HIP1: variants seen among roughly 807,000 people sequenced by gnomAD.
The protein encoded by HIP1 is huntingtin interacting protein 1, also known as huntingtin-interacting protein 1.
A neutral mutation model predicts 147.6 loss-of-function variants in HIP1; 65 were observed. The ratio of observed to expected loss-of-function variants is 0.44; its 90% CI spans 0.36 to 0.54. The LOEUF (loss-of-function observed/expected upper bound fraction) is 0.54, where lower values mean the gene tolerates loss of function less well. HIP1 is among the 20% of genes least tolerant of loss of function. The probability of loss-of-function intolerance (pLI) is 0.00; values close to 1 mark genes in which losing one functional copy is unlikely to be tolerated. For synonymous variants in HIP1, 479 were observed against 504.0 expected (o/e 0.95, Z 0.67); for missense variants, 1,061 against 1,299.6 (o/e 0.82, Z 2.82).
At chr7:75,608,136 C>T (rs1554504178) in intron 1 of HIP1, among the ~76,000 whole-genome samples, 1 of 152,084 alleles carries the variant, frequency 6.6e-6, no homozygotes, top group Non-Finnish European at 1.5e-5. Flanking sequence ...GAAACCTCGT[C>T]TCTACTAAAA....
At chr7:75,664,596 G>GGAGA (rs145351179) in intron 1 of HIP1, among the ~76,000 whole-genome samples, 18 of 115,212 alleles carry the variant, frequency 1.6e-4, no homozygotes, top group African/African-American at 4.3e-4. Context: ...ATATGTATAG[G>GGAGA]GAGAGAGAGA....
intron 1 of HIP1, among the ~76,000 whole-genome samples, chr7:75,604,909 C>T (rs1476575168): frequency 6.6e-6 from 1 of 152,072 alleles, no homozygotes; most frequent in African/African-American, 2.4e-5. Flanking sequence ...TCCCATAAGC[C>T]ACGTAAAATA....
chr7:75,547,103 C>T, intron 24 of HIP1, 71 bp from the exon 25 acceptor site: 1 of 1,291,980 alleles, frequency 7.7e-7, no homozygotes, highest in Non-Finnish European at 1.1e-6. Context: ...GGTTCTCTTC[C>T]CCACTCCTAG....
rs117750247 is a variant in HIP1, at chr7:75,542,425, G to A, written c.2890+426C>T. 5.0e-3 allele frequency among the ~76,000 whole-genome samples: 761 copies of A among 151,138 alleles called. 12 individuals carry two copies. The East Asian group carries it at 0.062, about 12-fold the overall frequency. On this transcript the variant is annotated intron_variant, in intron 28 of 30. Transcript: ENST00000336926. ...AAAAGAAAAAAAAATGGCAGGGCGC[G>A]GTGGCTCACACCTATAATCCCAGCA...
At chr7:75,709,191 C>A (rs1801092395) in intron 1 of HIP1, among the ~76,000 whole-genome samples, 1 of 149,600 alleles carries the variant, frequency 6.7e-6, no homozygotes, top group Non-Finnish European at 1.5e-5. Context: ...TGGCTCACTG[C>A]AACCACCACC....
chr7:75,600,782 A>G (rs1796945055), intron 1 of HIP1, among the ~76,000 whole-genome samples: 1 of 152,124 alleles, frequency 6.6e-6, no homozygotes, highest in African/African-American at 2.4e-5. Flanking sequence ...TCGTCCTGAG[A>G]CAGGGTCTTT....
chr7:75,703,734 T>C (rs1159453326), intron 1 of HIP1, among the ~76,000 whole-genome samples: 1 of 152,178 alleles, frequency 6.6e-6, no homozygotes, highest in Non-Finnish European at 1.5e-5. Flanking sequence ...TGGAGAGGTC[T>C]TTAAAAATAA....
intron 1 of HIP1, among the ~76,000 whole-genome samples, chr7:75,601,003 C>T (rs932551126): frequency 3.9e-5 from 6 of 152,074 alleles, no homozygotes; most frequent in Non-Finnish European, 5.9e-5. Flanking sequence ...AGTGATCCTC[C>T]CACCTCAGCC....
intron 1 of HIP1, among the ~76,000 whole-genome samples, chr7:75,738,178 T>C (rs1554523907): frequency 1.3e-5 from 2 of 152,112 alleles, no homozygotes. Context: ...CCCAAAGTAA[T>C]TTTCCCACAA....
chr7:75,574,796 T>A (rs1220899315), intron 7 of HIP1, among the ~76,000 whole-genome samples: 7 of 152,138 alleles, frequency 4.6e-5, no homozygotes, highest in African/African-American at 1.7e-4. Context: ...GATTTGCTCA[T>A]AACCTGGGAG....
intron 1 of HIP1, among the ~76,000 whole-genome samples, chr7:75,602,802 A>C (rs1554503244): frequency 6.1e-4 from 83 of 135,462 alleles, no homozygotes; most frequent in Non-Finnish European, 8.0e-4. Flanking sequence ...ATCACGCCCA[A>C]CCCCCCCCAC....
At position 75,604,628 on chromosome 7, in the gene HIP1, C is replaced by T. The variant is rs141865149; in HGVS notation, c.121-5381G>A. Among the ~76,000 whole-genome samples, 17 of 148,714 alleles carry T rather than the reference C, an allele frequency of 1.1e-4. No homozygotes were observed. The East Asian group carries it at 3.5e-3, about 30-fold the overall frequency. ...AGGCTGCAGTGAGCTGAGATTGCATCACTATGCTCGTCTGAATGACAGAGC... is the reference window on the plus strand; with the variant it reads ...AGGCTGCAGTGAGCTGAGATTGCATTACTATGCTCGTCTGAATGACAGAGC... On this transcript the variant is annotated intron_variant, in intron 1 of 30. Coordinates refer to ENST00000336926, the MANE Select transcript of HIP1 (RefSeq NM_005338.7).
At chr7:75,604,925 C>A (rs1265009326) in intron 1 of HIP1, among the ~76,000 whole-genome samples, 1 of 152,058 alleles carries the variant, frequency 6.6e-6, no homozygotes, top group African/African-American at 2.4e-5. Context: ...AAATAATATA[C>A]CGTGAGTTTG....
At chr7:75,635,820 C>T (rs138648563) in intron 1 of HIP1, among the ~76,000 whole-genome samples, 180 of 149,698 alleles carry the variant, frequency 1.2e-3, no homozygotes, top group African/African-American at 4.2e-3. Context: ...CCCAGGAGTT[C>T]GACACCAGCC....
intron 1 of HIP1, among the ~76,000 whole-genome samples, chr7:75,657,478 C>T (rs1448622642): frequency 1.4e-5 from 2 of 145,878 alleles, no homozygotes; most frequent in African/African-American, 5.1e-5. Context: ...TGCAGTGAGC[C>T]GAGATCCCGC....
At chr7:75,558,967 C>T (rs1795122262) in intron 14 of HIP1, among the ~76,000 whole-genome samples, 1 of 152,018 alleles carries the variant, frequency 6.6e-6, no homozygotes. Context: ...TGCAGTGAGC[C>T]CAGATCACAC....
At chr7:75,655,825 A>G (rs1219620222) in intron 1 of HIP1, among the ~76,000 whole-genome samples, 4 of 151,916 alleles carry the variant, frequency 2.6e-5, no homozygotes, top group Non-Finnish European at 5.9e-5. Flanking sequence ...TGTATACTTA[A>G]AAAATGGTTA....
In HIP1 at chr7:75,592,043, T is replaced by A. The variant is rs1563227323; in HGVS notation, c.384+13A>T. 1 of 1,611,570 alleles carries A rather than the reference T, an allele frequency of 6.2e-7. No homozygotes were observed. The highest frequency in any genetic ancestry group is 8.5e-7 in the Non-Finnish European group (1 of 1,177,688). On this transcript the variant is annotated intron_variant, in intron 4 of 30. Transcript: ENST00000336926. ...GAGAAGCAGGTGGCTCCTGAGTACA[T>A]CTCCAAACTCACCCACATCCTGCTC... is the stretch of plus-strand genomic sequence containing the variant.
rs1447046052 is a variant in HIP1 at position 75,640,752 on chromosome 7, C to CAAAAAT, written c.121-41506_121-41505insATTTTT. 3.4e-3 allele frequency among the ~76,000 whole-genome samples: 290 copies of CAAAAAT among 85,020 alleles called. 3 individuals carry two copies. The highest frequency in any genetic ancestry group is 0.012 in the Middle Eastern group (2 of 162). 55.8% of individuals were successfully genotyped at this position (85,020 alleles called of 152,430 possible). A position where few individuals can be genotyped will look rare whatever the true frequency, so the allele number is the denominator to read the frequency against. ...TGGATGACAGAAGGAGACTCCATCT[C>CAAAAAT]AATAATAATAATAATAATAATAATA... is the stretch of plus-strand genomic sequence containing the variant. On this transcript the variant is annotated intron_variant, in intron 1 of 30. Coordinates refer to ENST00000336926, the MANE Select transcript of HIP1 (RefSeq NM_005338.7).
Sources: gnomAD v4.1 joint callset for allele counts (sites outside exome capture counted in the v4.1 genomes callset) on GRCh38, gnomAD v4.1.1 for gene constraint, MANE v1.5 for transcripts, NCBI Gene and HGNC (gene_info 2026-07-23, HGNC 2026-07-21) for gene names.